RAP1GAP2: variants seen among roughly 807,000 people sequenced by gnomAD.
RAP1GAP2 encodes the protein rap1 GTPase-activating protein 2.
A neutral mutation model predicts 95.0 loss-of-function variants in RAP1GAP2; 27 were observed. The observed-to-expected ratio is 0.28, with a 90% confidence interval of 0.21 to 0.39. The LOEUF (loss-of-function observed/expected upper bound fraction) is 0.39. Among genes scored for constraint, RAP1GAP2 ranks in the 10% least tolerant of loss-of-function variants. The probability of loss-of-function intolerance (pLI) is 1.00; values close to 1 mark genes in which losing one functional copy is unlikely to be tolerated. For missense variants in RAP1GAP2, 771 were observed against 970.0 expected (o/e 0.79, Z 2.72); for synonymous variants, 373 against 380.9 (o/e 0.98, Z 0.24).
Position 2,893,822 on chromosome 17 carries a change from G to C in RAP1GAP2, c.81-11462G>C, listed in dbSNP as rs12948210. Reference sequence around the variant, plus strand: ...GGAGTGCGTTTGAAGGGCTGGGTGCGTAGGCACCTGGCTTGGTGATTTCTT... The same window carrying C: ...GGAGTGCGTTTGAAGGGCTGGGTGCCTAGGCACCTGGCTTGGTGATTTCTT... On this transcript the variant is annotated intron_variant, in intron 2 of 24. Transcript: ENST00000254695. 5.3e-5 allele frequency among the ~76,000 whole-genome samples: 8 copies of C among 152,156 alleles called. No homozygotes were observed. The East Asian group carries it at 7.7e-4, about 15-fold the overall frequency.
chr17:2,833,285 G>T (rs2070977752), intron 2 of RAP1GAP2, among the ~76,000 whole-genome samples: 1 of 151,248 alleles, frequency 6.6e-6, no homozygotes, highest in Non-Finnish European at 1.5e-5. Context: ...TGGGATTACA[G>T]GCACACACCA....
chr17:2,772,798 G>A (rs1026254480), upstream of RAP1GAP2, among the ~76,000 whole-genome samples: 1 of 151,100 alleles, frequency 6.6e-6, no homozygotes, highest in African/African-American at 2.4e-5. Context: ...CAGAGAATAA[G>A]GTTTATACTT....
chr17:2,904,415 AC>A lies in RAP1GAP2; in HGVS notation c.81-868del, dbSNP rs1424579681. On this transcript the variant is annotated intron_variant, in intron 2 of 24. Transcript: ENST00000254695. The surrounding 1 kb of genome is among the most constrained non-coding windows in gnomAD (Gnocchi z 4.7). The stretch of plus-strand genomic sequence containing the variant: ...GTCGCAGTCATGTTGCCATGGTGAC[AC>A]AACTCTGTTTAGCTGCCTCTCTACC... 6.6e-6 allele frequency among the ~76,000 whole-genome samples: 1 copy of A among 152,214 alleles called. No homozygotes were observed. The highest frequency in any genetic ancestry group is 1.5e-5 in the Non-Finnish European group (1 of 68,044).
chr17:2,840,242 C>T (rs150098220), intron 2 of RAP1GAP2, among the ~76,000 whole-genome samples: 2,117 of 151,942 alleles, frequency 0.014, 22 homozygotes, highest in Non-Finnish European at 0.023. Context: ...CGGTTCACTG[C>T]GACCCCCACC....
At chr17:2,947,912 G>C (rs930257348) in intron 3 of RAP1GAP2, among the ~76,000 whole-genome samples, 1 of 152,002 alleles carries the variant, frequency 6.6e-6, no homozygotes, top group African/African-American at 2.4e-5. Context: ...TCTCCCCCCA[G>C]CACTTTCTGG....
Position 2,844,300 on chromosome 17 carries a change from A to G in RAP1GAP2, c.80+43750A>G, listed in dbSNP as rs564423959. ...CTCCCAAAGTGCTGGGATTACAGGC[A>G]TGAGCCACTGCGCCCGGCCGGCCAG... On this transcript the variant is annotated intron_variant, in intron 2 of 24. Transcript: ENST00000254695. Among the ~76,000 whole-genome samples the G allele has an allele frequency of 5.3e-5, 8 of 152,284 alleles. No homozygotes were observed. In the East Asian group the frequency reaches 5.8e-4, roughly 11 times the overall value.
chr17:2,913,380 C>T (rs192814445), intron 3 of RAP1GAP2, among the ~76,000 whole-genome samples: 52 of 152,230 alleles, frequency 3.4e-4, no homozygotes, highest in Non-Finnish European at 6.9e-4. Flanking sequence ...CCCCTGCTTC[C>T]TGGGTTCAAG....
intron 3 of RAP1GAP2, among the ~76,000 whole-genome samples, chr17:2,917,262 T>A (rs1416622666): frequency 6.6e-6 from 1 of 151,914 alleles, no homozygotes; most frequent in Admixed American, 6.6e-5. Flanking sequence ...CTTCCCCACT[T>A]CTTCTTCTTT....
intron 3 of RAP1GAP2, among the ~76,000 whole-genome samples, chr17:2,921,656 T>G (rs1031737691): frequency 1.4e-5 from 2 of 140,706 alleles, no homozygotes; most frequent in African/African-American, 5.5e-5. Flanking sequence ...TTATGTGTCC[T>G]CAGGGCCGTT....
intron 2 of RAP1GAP2, among the ~76,000 whole-genome samples, chr17:2,875,175 T>C (rs1219127474): frequency 6.6e-6 from 1 of 152,160 alleles, no homozygotes; most frequent in African/African-American, 2.4e-5. Flanking sequence ...CAAGCAATTC[T>C]CCTGCCTCAG....
rs1413550504 is a variant in RAP1GAP2, at chr17:2,825,615, C to T, written c.80+25065C>T. 2.6e-5 allele frequency among the ~76,000 whole-genome samples: 4 copies of T among 152,004 alleles called. No individual in the cohort carries two copies. Among genetic ancestry groups the T allele is most frequent in the African/African-American group, 9.7e-5 (4 of 41,392 alleles). ...ACCTCTCTGAGCTTGTTTTCCCATC[C>T]GGAAAGTGAAGATAAGGAGCGTCCC... is the stretch of plus-strand genomic sequence containing the variant. On this transcript the variant is annotated intron_variant, in intron 2 of 24. Coordinates refer to ENST00000254695, the MANE Select transcript of RAP1GAP2 (RefSeq NM_015085.5). This position sits in a 1 kb window ranked among gnomAD's most constrained non-coding sequence, Gnocchi z 4.1.
rs570078553 is a variant in RAP1GAP2 at position 2,869,285 on chromosome 17, G to C, written c.81-35999G>C. Among the ~76,000 whole-genome samples the C allele has an allele frequency of 1.3e-4, 20 of 152,246 alleles. No individual in the cohort carries two copies. The South Asian group carries it at 4.1e-3, about 32-fold the overall frequency. On this transcript the variant is annotated intron_variant, in intron 2 of 24. Transcript: ENST00000254695. ...TCCTAGGGGCAGAAAGTAGAATAGA[G>C]GTTGCCAGGTGTTGGAGGGAAAGAG...
intron 14 of RAP1GAP2, among the ~76,000 whole-genome samples, chr17:2,999,849 C>T (rs1477874513): frequency 1.3e-5 from 2 of 152,160 alleles, no homozygotes; most frequent in African/African-American, 4.8e-5. Context: ...ATAGCAACCC[C>T]CTCCTGTTGA....
rs373611426 is a variant in RAP1GAP2 at position 2,922,246 on chromosome 17, A to AT, written c.165+16878_165+16879insT. On this transcript the variant is annotated intron_variant, in intron 3 of 24. Coordinates refer to ENST00000254695, the MANE Select transcript of RAP1GAP2 (RefSeq NM_015085.5). ...GACAGAAGGGATTCGCTAGTCCCTCAGGCCTTCTATGAGGACGTTAATCCC... is the reference window on the plus strand; with the variant it reads ...GACAGAAGGGATTCGCTAGTCCCTCATGGCCTTCTATGAGGACGTTAATCCC... 3.7e-3 allele frequency among the ~76,000 whole-genome samples: 563 copies of AT among 152,344 alleles called. 7 individuals carry two copies. Among genetic ancestry groups the AT allele is most frequent in the African/African-American group, 0.013 (527 of 41,580 alleles).
chr17:2,822,859 C>T (rs1420351294), intron 2 of RAP1GAP2, among the ~76,000 whole-genome samples: 3 of 152,176 alleles, frequency 2.0e-5, no homozygotes, highest in Non-Finnish European at 4.4e-5. Context: ...CTCCCCACTC[C>T]CCCCAGTCCC....
intron 2 of RAP1GAP2, among the ~76,000 whole-genome samples, chr17:2,869,021 C>T (rs1004704246): frequency 2.8e-4 from 42 of 152,118 alleles, no homozygotes; most frequent in Non-Finnish European, 1.5e-5. Context: ...GCCATGTTCT[C>T]ACATAGCGAA....
intron 3 of RAP1GAP2, among the ~76,000 whole-genome samples, chr17:2,908,027 G>A (rs2042257552): frequency 6.6e-6 from 1 of 151,908 alleles, no homozygotes; most frequent in East Asian, 1.9e-4. Flanking sequence ...GGCTGGTCTC[G>A]AACTCCTGAC....
chr17:2,989,093 A>AAC (rs1237274705), intron 11 of RAP1GAP2, among the ~76,000 whole-genome samples: 1 of 61,136 alleles, frequency 1.6e-5, no homozygotes, highest in African/African-American at 6.7e-5. Context: ...AAAACAAAAC[A>AAC]AAAAAAAAAC....
At chr17:2,820,029 C>G (rs974369277) in intron 2 of RAP1GAP2, among the ~76,000 whole-genome samples, 4 of 152,100 alleles carry the variant, frequency 2.6e-5, no homozygotes, top group Non-Finnish European at 4.4e-5. Context: ...GATTCTCCAA[C>G]CTTGGCCTCC....
Sources: gnomAD v4.1 joint callset for allele counts (sites outside exome capture counted in the v4.1 genomes callset) on GRCh38, gnomAD v4.1.1 for gene constraint, Gnocchi (gnomAD v3.1) non-coding constraint, MANE v1.5 for transcripts, NCBI Gene and HGNC (gene_info 2026-07-23, HGNC 2026-07-21) for gene names.